The following ADAM18 variants were observed in gnomAD, a reference collection of about 807,000 sequenced individuals.
ADAM18 encodes disintegrin and metalloproteinase domain-containing protein 18.
Under a neutral mutation model 94.4 loss-of-function variants are expected in ADAM18, and 117 were observed. That is an observed-to-expected ratio of 1.24 (90% CI 1.07 to 1.45). The LOEUF is 1.45. ADAM18 is among the 40% of genes most tolerant of loss of function. The probability of loss-of-function intolerance (pLI) is 0.00; values close to 1 mark genes in which losing one functional copy is unlikely to be tolerated. For missense variants in ADAM18, 936 were observed against 880.0 expected, an observed-to-expected ratio of 1.06 and a Z score of -0.81; for synonymous variants, 327 against 291.6, an observed-to-expected ratio of 1.12 and a Z score of -1.24.
intron 17 of ADAM18, among the ~76,000 whole-genome samples, chr8:39,704,409 G>C (rs1214260494): frequency 2.6e-5 from 4 of 152,124 alleles, no homozygotes; most frequent in African/African-American, 9.6e-5. Context: ...TCAACATATG[G>C]AAATCAATAG....
At chr8:39,663,509 G>A (rs1820902484) in intron 12 of ADAM18, among the ~76,000 whole-genome samples, 1 of 145,262 alleles carries the variant, frequency 6.9e-6, no homozygotes, top group South Asian at 2.2e-4. Flanking sequence ...TGGGGTGGGA[G>A]GATCACTTGG....
intron 13 of ADAM18, among the ~76,000 whole-genome samples, chr8:39,664,995 T>C (rs1176647828): frequency 4.6e-5 from 7 of 152,146 alleles, no homozygotes; most frequent in African/African-American, 1.7e-4. Context: ...TATTCCCAAG[T>C]GTCAGAAGAA....
chr8:39,637,780 T>A, intron 9 of ADAM18, 77 bp downstream of exon 9: 1 of 1,350,700 alleles, frequency 7.4e-7, no homozygotes, highest in Non-Finnish European at 9.7e-7. Context: ...TTTATTGCGT[T>A]CTTCAGTTTT....
intron 19 of ADAM18, among the ~76,000 whole-genome samples, chr8:39,728,947 C>T (rs1336978333): frequency 1.3e-5 from 2 of 152,122 alleles, no homozygotes; most frequent in Non-Finnish European, 2.9e-5. Context: ...ATACTGTGTT[C>T]CACAGTAGTT....
chr8:39,586,384 C>G (rs1236642769), intron 2 of ADAM18, among the ~76,000 whole-genome samples: 1 of 152,084 alleles, frequency 6.6e-6, no homozygotes, highest in Non-Finnish European at 1.5e-5. Flanking sequence ...CATGTAGAGT[C>G]TAATCTTTAA....
chr8:39,704,065 A>G (rs1447439233), intron 17 of ADAM18, among the ~76,000 whole-genome samples: 8 of 152,160 alleles, frequency 5.3e-5, no homozygotes, highest in Non-Finnish European at 1.0e-4. Flanking sequence ...TTGGGGCAGT[A>G]ATAAATAGCC....
intron 16 of ADAM18, among the ~76,000 whole-genome samples, chr8:39,683,514 G>T (rs1167986799): frequency 1.3e-5 from 2 of 152,168 alleles, no homozygotes; most frequent in South Asian, 2.1e-4. Flanking sequence ...TGGTCAAGTG[G>T]CTATGCCATT....
rs372205890 is a variant in ADAM18, at chr8:39,607,476, G to T, written c.188+1114G>T. Among the ~76,000 whole-genome samples, 14 of 152,192 alleles carry T rather than the reference G, an allele frequency of 9.2e-5. 1 individual carries two copies. The highest frequency in any genetic ancestry group is 3.4e-4 in the African/African-American group (14 of 41,506). Reference sequence around the variant, plus strand: ...TTCATGACTACCCTACTTAATTCACGTTTACTTTTCTTCCTCTACAACTCC... The same window carrying T: ...TTCATGACTACCCTACTTAATTCACTTTTACTTTTCTTCCTCTACAACTCC... On this transcript the variant is annotated intron_variant, in intron 3 of 19. Transcript: ENST00000265707.
intron 10 of ADAM18, among the ~76,000 whole-genome samples, chr8:39,643,459 T>C (rs1243318606): frequency 1.3e-5 from 2 of 152,110 alleles, no homozygotes; most frequent in African/African-American, 4.8e-5. Flanking sequence ...CCTGGGCACT[T>C]TTAAGATATA....
chr8:39,679,040 C>G (rs1821368191), intron 15 of ADAM18, among the ~76,000 whole-genome samples: 1 of 152,014 alleles, frequency 6.6e-6, no homozygotes, highest in Non-Finnish European at 1.5e-5. Context: ...GAACCAAAAT[C>G]AAAAGAAATA....
intron 12 of ADAM18, among the ~76,000 whole-genome samples, chr8:39,656,689 T>C (rs956361319): frequency 1.1e-4 from 17 of 152,308 alleles, no homozygotes; most frequent in African/African-American, 4.1e-4. Flanking sequence ...TGACAGGAGA[T>C]ATGTACTCAG....
chr8:39,720,434 A>G (rs1353915086), intron 18 of ADAM18, among the ~76,000 whole-genome samples: 1 of 151,350 alleles, frequency 6.6e-6, no homozygotes, highest in African/African-American at 2.4e-5. Context: ...ATGCACTTAA[A>G]GTGTGGGCAT....
chr8:39,637,613 G>C lies in ADAM18; in HGVS notation c.737G>C (p.Ser246Thr). The change falls in exon 9 of 20, where the codon AGT (serine) becomes ACT (threonine). Residue 246 changes from serine (S) to threonine (T), a missense_variant. By Grantham distance (58) the Ser-to-Thr change is moderately conservative. Transcript: ENST00000265707. ...TCAAATGAAAACCAGATTTCCACCAGTGGGGATGCTGATGATATATTACAA... is the reference window on the plus strand; with the variant it reads ...TCAAATGAAAACCAGATTTCCACCACTGGGGATGCTGATGATATATTACAA... ...LWSNENQIST[S>T]GDADDILQRF... The C allele has an allele frequency of 6.2e-7, 1 of 1,612,842 alleles. No individual in the cohort carries two copies.
chr8:39,667,131 G>T (rs567053852), intron 13 of ADAM18, among the ~76,000 whole-genome samples: 1 of 151,966 alleles, frequency 6.6e-6, no homozygotes, highest in Non-Finnish European at 1.5e-5. Context: ...ACTTGGCGCG[G>T]TGGCTCATGC....
At chr8:39,663,738 A>T (rs1333430083) in intron 12 of ADAM18, 57 bp from the exon 13 acceptor site, 2 of 1,142,284 alleles carry the variant, frequency 1.8e-6, no homozygotes, top group African/African-American at 3.1e-5. Context: ...TGAGATTAAG[A>T]AACAAGAGCT....
At chr8:39,628,551 T>C (rs1467856286) in intron 6 of ADAM18, among the ~76,000 whole-genome samples, 1 of 152,020 alleles carries the variant, frequency 6.6e-6, no homozygotes, top group Non-Finnish European at 1.5e-5. Context: ...CCAGTAAGTT[T>C]GGGTTATTTG....
chr8:39,714,267 C>T (rs1369480167), intron 18 of ADAM18, among the ~76,000 whole-genome samples: 1 of 152,126 alleles, frequency 6.6e-6, no homozygotes, highest in African/African-American at 2.4e-5. Flanking sequence ...GGGCAGGGAA[C>T]ATCACACACC....
chr8:39,650,223 T>C (rs1049140456), intron 12 of ADAM18, among the ~76,000 whole-genome samples: 3 of 152,196 alleles, frequency 2.0e-5, no homozygotes, highest in African/African-American at 7.2e-5. Context: ...GATTCTATAT[T>C]CAGTCACTTT....
Position 39,692,669 on chromosome 8 carries a change from A to G in ADAM18, c.1891A>G (p.Lys631Glu), listed in dbSNP as rs750301104. The G allele has an allele frequency of 3.7e-6, 6 of 1,601,206 alleles. No homozygotes were observed. The highest frequency in any genetic ancestry group is 5.1e-6 in the Non-Finnish European group (6 of 1,172,648). Residue 631 changes from lysine (K) to glutamate (E), a missense_variant, in exon 17 of 20, where the codon AAA becomes GAA. Physicochemically the swap from Lys to Glu is moderately conservative, Grantham distance 56 (BLOSUM62 1). Transcript: ENST00000265707. ...TAACTGTAATGCCACCACAAAATGC[A>G]AAGGGAAAGGGGTAAGTCACTTTTG... ...GYNCNATTKC[K>E]GKGICNNFGN...
Sources: gnomAD v4.1 joint callset for allele counts (sites outside exome capture counted in the v4.1 genomes callset) on GRCh38, gnomAD v4.1.1 for gene constraint, MANE v1.5 for transcripts, NCBI Gene and HGNC (gene_info 2026-07-23, HGNC 2026-07-21) for gene names.